The following AGBL4 variants were observed in gnomAD, a reference collection of about 807,000 sequenced individuals.
AGBL4 encodes the protein AGBL carboxypeptidase 4.
AGBL4 carries 58 observed loss-of-function variants against 66.4 expected under a neutral mutation model. The ratio of observed to expected loss-of-function variants is 0.87; its 90% CI spans 0.71 to 1.09. The LOEUF is 1.09. AGBL4 is among the 50% of genes least tolerant of loss of function. The pLI, the probability that AGBL4 is intolerant of heterozygous loss-of-function variation, is 0.00. For missense variants in AGBL4, 579 were observed against 631.0 expected (o/e 0.92, Z 0.88); for synonymous variants, 234 against 222.9 (o/e 1.05, Z -0.44).
At chr1:49,389,695 G>C (rs1302778170) in intron 3 of AGBL4, among the ~76,000 whole-genome samples, 1 of 152,100 alleles carries the variant, frequency 6.6e-6, no homozygotes, top group Non-Finnish European at 1.5e-5. Context: ...GAGGAAATCT[G>C]AGCTCCTGTT....
chr1:49,206,320 A>AAAAAC (rs1240383135), intron 4 of AGBL4, among the ~76,000 whole-genome samples: 1 of 152,100 alleles, frequency 6.6e-6, no homozygotes, highest in African/African-American at 2.4e-5. Context: ...AAACAAAAAC[A>AAAAAC]AAAACAAAAC....
chr1:49,008,399 G>C (rs1310426020), intron 5 of AGBL4, among the ~76,000 whole-genome samples: 2 of 151,682 alleles, frequency 1.3e-5, no homozygotes, highest in Non-Finnish European at 2.9e-5. Context: ...GACTTGCAAA[G>C]AGACTTAGAC....
At chr1:49,104,632 C>G (rs1645260676) in intron 4 of AGBL4, among the ~76,000 whole-genome samples, 1 of 152,020 alleles carries the variant, frequency 6.6e-6, no homozygotes, top group Non-Finnish European at 1.5e-5. Context: ...CGTCTGAATC[C>G]AAGTTCAAGG....
chr1:49,714,295 A>G (rs533250973), intron 2 of AGBL4, among the ~76,000 whole-genome samples: 1 of 152,040 alleles, frequency 6.6e-6, no homozygotes, highest in East Asian at 1.9e-4. Flanking sequence ...CAGTGTAGCC[A>G]TCACCTAAAT....
At chr1:48,936,442 G>A (rs188402109) in intron 5 of AGBL4, among the ~76,000 whole-genome samples, 1 of 152,118 alleles carries the variant, frequency 6.6e-6, no homozygotes, top group Non-Finnish European at 1.5e-5. Context: ...GAGACCAAAA[G>A]AGACATGAAA....
At chr1:49,086,509 G>A (rs542090781) in intron 4 of AGBL4, among the ~76,000 whole-genome samples, 23 of 152,094 alleles carry the variant, frequency 1.5e-4, no homozygotes, top group Middle Eastern at 3.4e-3. Flanking sequence ...GTTGTCCTAG[G>A]AAACAACTGG....
Position 49,374,014 on chromosome 1 carries a change from C to A in AGBL4, c.283-128150G>T, listed in dbSNP as rs955298828. Reference sequence around the variant, plus strand: ...TTATATTATGTTTCTCAATCAAAATCATAAAATAACATCAACAACTATCTG... The same window carrying A: ...TTATATTATGTTTCTCAATCAAAATAATAAAATAACATCAACAACTATCTG... On this transcript the variant is annotated intron_variant, in intron 3 of 13. Coordinates refer to ENST00000371839, the MANE Select transcript of AGBL4 (RefSeq NM_032785.4). Among the ~76,000 whole-genome samples the A allele has an allele frequency of 2.0e-5, 3 of 151,982 alleles. No individual in the cohort carries two copies. The East Asian group carries it at 5.8e-4, about 29-fold the overall frequency.
intron 3 of AGBL4, among the ~76,000 whole-genome samples, chr1:49,500,139 T>C (rs1384255661): frequency 6.6e-6 from 1 of 152,138 alleles, no homozygotes; most frequent in African/African-American, 2.4e-5. Context: ...ATGGTGAGCA[T>C]TTTTTCATAT....
chr1:49,338,379 C>T (rs1448146253), intron 3 of AGBL4, among the ~76,000 whole-genome samples: 1 of 152,192 alleles, frequency 6.6e-6, no homozygotes, highest in South Asian at 2.1e-4. Context: ...CCTGAAGTAA[C>T]CTTGGTATCT....
intron 3 of AGBL4, among the ~76,000 whole-genome samples, chr1:49,538,949 A>T (rs1353066136): frequency 1.3e-5 from 2 of 152,154 alleles, no homozygotes; most frequent in Non-Finnish European, 2.9e-5. Context: ...TATTTCAGGG[A>T]AATAATTAAA....
chr1:49,568,670 A>G (rs1047340683), intron 3 of AGBL4, among the ~76,000 whole-genome samples: 1 of 152,226 alleles, frequency 6.6e-6, no homozygotes, highest in Non-Finnish European at 1.5e-5. Flanking sequence ...TTTAAAATTC[A>G]TATGGCACCA....
chr1:49,015,339 C>T (rs1450175109), intron 5 of AGBL4, among the ~76,000 whole-genome samples: 1 of 151,532 alleles, frequency 6.6e-6, no homozygotes, highest in Non-Finnish European at 1.5e-5. Flanking sequence ...AAGAAACAAT[C>T]AGAAAGTGGC....
intron 3 of AGBL4, among the ~76,000 whole-genome samples, chr1:49,302,874 C>G (rs965254995): frequency 2.0e-5 from 3 of 151,682 alleles, no homozygotes; most frequent in Admixed American, 6.6e-5. Context: ...TCTATGTGTT[C>G]TCATTGTTCA....
intron 3 of AGBL4, among the ~76,000 whole-genome samples, chr1:49,605,381 T>C (rs1039140819): frequency 6.6e-6 from 1 of 152,126 alleles, no homozygotes; most frequent in Non-Finnish European, 1.5e-5. Context: ...GTTTCCTAAA[T>C]TGCATGTCAC....
At chr1:49,268,409 A>AACACACACACACACACAC (rs66639251) in intron 3 of AGBL4, 3 of 133,008 alleles carry the variant, frequency 2.3e-5, no homozygotes, top group Middle Eastern at 7.9e-3. Context: ...TTTTTTTTTA[A>AACACACACACACACACAC]ACACACACAC....
At chr1:48,693,891 G>A (rs1570272978) in intron 6 of AGBL4, among the ~76,000 whole-genome samples, 1 of 152,020 alleles carries the variant, frequency 6.6e-6, no homozygotes, top group South Asian at 2.1e-4. Flanking sequence ...GCTCCAGGGG[G>A]CCACGGAATT....
downstream of AGBL4, among the ~76,000 whole-genome samples, chr1:48,531,078 C>T (rs58431687): frequency 0.011 from 1,715 of 152,258 alleles, 24 homozygotes; most frequent in African/African-American, 0.039. Flanking sequence ...GCCAAGACCA[C>T]ACAGAGGGCT....
At chr1:49,984,424 T>C (rs1190772144) in intron 1 of AGBL4, among the ~76,000 whole-genome samples, 1 of 152,238 alleles carries the variant, frequency 6.6e-6, no homozygotes, top group East Asian at 1.9e-4. Flanking sequence ...GTTAAGTCTC[T>C]ACCCAGGGTG....
chr1:49,011,140 G>A (rs1662369751), intron 5 of AGBL4, among the ~76,000 whole-genome samples: 1 of 150,784 alleles, frequency 6.6e-6, no homozygotes, highest in East Asian at 1.9e-4. Flanking sequence ...ATCTGACAAA[G>A]GGCTAATATC....
Sources: allele counts gnomAD v4.1 joint callset (sites outside exome capture counted in the v4.1 genomes callset), GRCh38; gene constraint gnomAD v4.1.1; transcripts MANE v1.5; gene names NCBI Gene and HGNC (gene_info 2026-07-23, HGNC 2026-07-21).